The following MCTP2 variants were observed in gnomAD, a reference collection of about 807,000 sequenced individuals.
MCTP2 encodes multiple C2 and transmembrane domain-containing protein 2.
A neutral mutation model predicts 111.6 loss-of-function variants in MCTP2; 132 were observed. That is an observed-to-expected ratio of 1.18 (90% CI 1.03 to 1.37). The LOEUF is 1.37. Among genes scored for constraint, MCTP2 ranks in the 40% most tolerant of loss-of-function variants. The pLI, the probability that MCTP2 is intolerant of heterozygous loss-of-function variation, is 0.00. For synonymous variants in MCTP2, 395 were observed against 387.7 expected, an observed-to-expected ratio of 1.02 and a Z score of -0.22; for missense variants, 1,183 against 1,067.9, an observed-to-expected ratio of 1.11 and a Z score of -1.50.
At chr15:94,257,350 G>A (rs943244426) in intron 1 of MCTP2, among the ~76,000 whole-genome samples, 5 of 151,996 alleles carry the variant, frequency 3.3e-5, no homozygotes, top group African/African-American at 1.2e-4. Flanking sequence ...AAGAAGCCAA[G>A]TCAGGCTTTG....
intron 4 of MCTP2, among the ~76,000 whole-genome samples, chr15:94,316,357 A>T (rs1434398554): frequency 6.6e-6 from 1 of 152,184 alleles, no homozygotes; most frequent in African/African-American, 2.4e-5. Flanking sequence ...CATATTGTAT[A>T]TGCTTCTGTG....
chr15:94,300,242 T>G (rs2075537619), intron 2 of MCTP2, among the ~76,000 whole-genome samples: 1 of 152,150 alleles, frequency 6.6e-6, no homozygotes. Context: ...GCACGGTGGC[T>G]CATTCCTGTA....
At chr15:94,356,436 A>G in intron 9 of MCTP2, 135 bp downstream of exon 9, 1 of 747,478 alleles carries the variant, frequency 1.3e-6, no homozygotes, top group Non-Finnish European at 2.0e-6. Flanking sequence ...AAGAGCAGAA[A>G]ACAAAATAAT....
At chr15:94,414,296 A>C (rs1218082771) in intron 17 of MCTP2, among the ~76,000 whole-genome samples, 1 of 152,194 alleles carries the variant, frequency 6.6e-6, no homozygotes, top group Non-Finnish European at 1.5e-5. Context: ...CAGAAAAAGA[A>C]AGAAAAGAAA....
chr15:94,447,512 C>T (rs1458917152), intron 19 of MCTP2, among the ~76,000 whole-genome samples: 1 of 152,082 alleles, frequency 6.6e-6, no homozygotes, highest in Non-Finnish European at 1.5e-5. Context: ...CTCGTGCCTC[C>T]GCCTCTGGAG....
intron 14 of MCTP2, among the ~76,000 whole-genome samples, chr15:94,388,817 T>G (rs1394592018): frequency 6.6e-6 from 1 of 152,208 alleles, no homozygotes; most frequent in East Asian, 1.9e-4. Flanking sequence ...TAGTAAGTAA[T>G]AGAGACAGGA....
chr15:94,295,854 G>A (rs756379941), intron 1 of MCTP2, among the ~76,000 whole-genome samples: 14 of 151,542 alleles, frequency 9.2e-5, no homozygotes, highest in Non-Finnish European at 5.9e-5. Context: ...GTTCGAGGCC[G>A]CAGTGAGCTG....
Position 94,367,628 on chromosome 15 carries a change from TC to T in MCTP2, c.1328del (p.Pro443LeufsTer2). ...AGGTGTAAAGTGGATATCTCGGCAC[TC>T]CCTCTGAAGCAAGCCAACTGCCTGG... is the stretch of plus-strand genomic sequence containing the variant. Reference protein sequence around the residue: ...LGTCKVDISALPLKQANCLEL... With the variant: ...LGTCKVDISAXPLKQANCLEL... On this transcript the variant is annotated frameshift_variant, in exon 11 of 23. Coordinates refer to ENST00000357742, the MANE Select transcript of MCTP2 (RefSeq NM_001385001.1). LOFTEE classifies it high-confidence loss of function. 1 of 1,611,176 alleles carries T rather than the reference TC, an allele frequency of 6.2e-7. No homozygotes were observed. Among genetic ancestry groups the T allele is most frequent in the Non-Finnish European group, 8.5e-7 (1 of 1,178,710 alleles).
intron 19 of MCTP2, among the ~76,000 whole-genome samples, chr15:94,451,560 A>C (rs1231761033): frequency 6.6e-6 from 1 of 152,208 alleles, no homozygotes; most frequent in Non-Finnish European, 1.5e-5. Flanking sequence ...TCCCTCTGTA[A>C]ATTGGAAGCC....
chr15:94,401,691 G>A (rs1164607467), intron 16 of MCTP2, among the ~76,000 whole-genome samples: 1 of 152,148 alleles, frequency 6.6e-6, no homozygotes, highest in Non-Finnish European at 1.5e-5. Context: ...TCAGATGAGC[G>A]CTAAAATGCA....
chr15:94,427,583 C>T (rs554130255), intron 17 of MCTP2, among the ~76,000 whole-genome samples: 3 of 152,280 alleles, frequency 2.0e-5, no homozygotes, highest in Middle Eastern at 3.4e-3. Context: ...GAGAGGTTCA[C>T]CCGCATGATT....
chr15:94,290,645 G>A (rs561768487), intron 1 of MCTP2, among the ~76,000 whole-genome samples: 1 of 152,300 alleles, frequency 6.6e-6, no homozygotes, highest in Admixed American at 6.5e-5. Context: ...CTAGCTATGG[G>A]CTTTCCATAA....
intron 9 of MCTP2, 44 bp downstream of exon 9, chr15:94,356,345 A>T: frequency 7.3e-7 from 1 of 1,373,498 alleles, no homozygotes; most frequent in Non-Finnish European, 9.7e-7. Context: ...TCTTTAAAAT[A>T]AAAAAAAATT....
At chr15:94,372,421 T>C (rs1431491364) in intron 12 of MCTP2, among the ~76,000 whole-genome samples, 1 of 152,238 alleles carries the variant, frequency 6.6e-6, no homozygotes, top group Non-Finnish European at 1.5e-5. Flanking sequence ...CAAAGTGGAC[T>C]TATTCCAGAT....
chr15:94,362,635 C>T (rs561713795), intron 10 of MCTP2, among the ~76,000 whole-genome samples: 1 of 152,328 alleles, frequency 6.6e-6, no homozygotes, highest in African/African-American at 2.4e-5. Context: ...CCCTGGCTTC[C>T]TTAGCCTCTG....
chr15:94,459,025 A>G (rs566815452), intron 20 of MCTP2, among the ~76,000 whole-genome samples: 668 of 2,004 alleles, frequency 0.33, 7 homozygotes, highest in Non-Finnish European at 0.3. Context: ...CTGTAGATTC[A>G]TAGGTTTTTT....
chr15:94,301,276 A>C (rs1384062063), intron 2 of MCTP2, among the ~76,000 whole-genome samples: 1 of 152,056 alleles, frequency 6.6e-6, no homozygotes, highest in Non-Finnish European at 1.5e-5. Flanking sequence ...AGTGCGGCTG[A>C]TCAGACCCCT....
chr15:94,394,723 C>T (rs2081191766), intron 14 of MCTP2, among the ~76,000 whole-genome samples: 1 of 152,006 alleles, frequency 6.6e-6, no homozygotes, highest in Admixed American at 6.5e-5. Context: ...CAAGATCACG[C>T]CACTGCACTC....
intron 21 of MCTP2, among the ~76,000 whole-genome samples, chr15:94,473,184 A>G (rs886847887): frequency 6.6e-6 from 1 of 152,200 alleles, no homozygotes; most frequent in African/African-American, 2.4e-5. Flanking sequence ...GCCTAATTTT[A>G]TACTAGCTAT....
Sources: gnomAD v4.1 joint callset for allele counts (sites outside exome capture counted in the v4.1 genomes callset) on GRCh38, gnomAD v4.1.1 for gene constraint, MANE v1.5 for transcripts, NCBI Gene and HGNC (gene_info 2026-07-23, HGNC 2026-07-21) for gene names.